Variants in PDCD6 observed in about 807,000 individuals in gnomAD.
PDCD6 encodes the protein programmed cell death protein 6.
In PDCD6, 12 loss-of-function variants were observed where a neutral mutation model predicts 28.3. That is an observed-to-expected ratio of 0.42 (90% CI 0.27 to 0.69). PDCD6 has a LOEUF of 0.69. PDCD6 is among the 30% of genes least tolerant of loss of function. PDCD6 has a pLI of 0.22. For missense variants in PDCD6, 226 were observed against 269.9 expected (o/e 0.84, Z 1.14); for synonymous variants, 92 against 108.0 (o/e 0.85, Z 0.92).
At chr5:298,409 A>G (rs929454479) in intron 2 of PDCD6, among the ~76,000 whole-genome samples, 1 of 151,988 alleles carries the variant, frequency 6.6e-6, no homozygotes. Flanking sequence ...TTACAAGGAC[A>G]TGATGGGTTC....
Position 306,629 on chromosome 5 carries a change from G to A in PDCD6, c.236G>A (p.Gly79Asp). Residue 79 changes from glycine to aspartate, a missense_variant, in exon 4 of 6, where the codon GGC becomes GAC. Gly to Asp is a moderately conservative substitution (Grantham distance 94). Around this residue, in one of 3 missense-constraint regions of PDCD6, gnomAD observed 151 missense variants for 177.2 expected, o/e 0.85. Coordinates refer to ENST00000264933, the MANE Select transcript of PDCD6 (RefSeq NM_013232.4). ...ATGTTTGACCGTGAGAACAAGGCCG[G>A]CGTGAACTTCAGCGAGTTCACGGGT... ...ISMFDRENKA[G>D]VNFSEFTGVW... 4 of 1,613,880 alleles carry A rather than the reference G, an allele frequency of 2.5e-6. No homozygotes were observed. The highest frequency in any genetic ancestry group is 3.4e-6 in the Non-Finnish European group (4 of 1,179,914).
In PDCD6 at chr5:288,767, A is replaced by G. The variant is rs547706153; in HGVS notation, c.164-15410A>G. ...AAACTAAACGTGGACTTTTTTACATAAAAGTTTTATACGGCGTTAAAACCA... is the reference window on the plus strand; with the variant it reads ...AAACTAAACGTGGACTTTTTTACATGAAAGTTTTATACGGCGTTAAAACCA... On this transcript the variant is annotated intron_variant, in intron 2 of 5. Coordinates refer to ENST00000264933, the MANE Select transcript of PDCD6 (RefSeq NM_013232.4). 8 of 754,460 alleles carry G rather than the reference A, an allele frequency of 1.1e-5. No homozygotes were observed. In the East Asian group the frequency reaches 1.8e-4, roughly 17 times the overall value. 46.7% of individuals were successfully genotyped at this position (754,460 alleles called of 1,614,324 possible).
intron 2 of PDCD6, among the ~76,000 whole-genome samples, chr5:279,802 A>G (rs1042605083): frequency 2.0e-5 from 3 of 148,640 alleles, no homozygotes; most frequent in East Asian, 1.9e-4. Context: ...AAAAAAAAAA[A>G]AAAACGAGGA....
At chr5:291,989 A>G (rs1739341508) in intron 2 of PDCD6, among the ~76,000 whole-genome samples, 1 of 152,198 alleles carries the variant, frequency 6.6e-6, no homozygotes, top group Admixed American at 6.5e-5. Context: ...ATACAAGCAT[A>G]ACAAAAATAG....
intron 2 of PDCD6, chr5:289,338 T>G (rs1309526774): frequency 1.8e-6 from 1 of 553,748 alleles, no homozygotes; most frequent in Non-Finnish European, 3.3e-6. Flanking sequence ...GTACAATTCT[T>G]TCACGAAAGC....
intron 4 of PDCD6, chr5:309,253 T>G (rs1045799063): frequency 6.5e-6 from 1 of 153,396 alleles, no homozygotes; most frequent in Non-Finnish European, 1.4e-5. Context: ...AAGGGGTGTG[T>G]CAGGGGTGGG....
Position 314,564 on chromosome 5 carries a change from C to T in PDCD6, c.*49C>T. Reference sequence around the variant, plus strand: ...CACAACATGGAAAGAGCCAAAATGTCACAGTTCCTATCTGTGAGGGAATGG... The same window carrying T: ...CACAACATGGAAAGAGCCAAAATGTTACAGTTCCTATCTGTGAGGGAATGG... On this transcript the variant is annotated 3_prime_UTR_variant, in exon 6 of 6. Transcript: ENST00000264933. The T allele has an allele frequency of 1.5e-6, 2 of 1,301,250 alleles. No individual in the cohort carries two copies. Among genetic ancestry groups the T allele is most frequent in the Non-Finnish European group, 2.2e-6 (2 of 896,590 alleles). 80.6% of individuals were successfully genotyped at this position (1,301,250 alleles called of 1,614,324 possible). A position where few individuals can be genotyped will look rare whatever the true frequency, so the allele number is the denominator to read the frequency against.
intron 2 of PDCD6, among the ~76,000 whole-genome samples, chr5:287,483 T>A (rs1449960671): frequency 6.6e-6 from 1 of 152,122 alleles, no homozygotes; most frequent in African/African-American, 2.4e-5. Context: ...AGAAAGACCC[T>A]GATTAATACC....
chr5:283,672 GT>G (rs1475395138), intron 2 of PDCD6, among the ~76,000 whole-genome samples: 6 of 152,040 alleles, frequency 3.9e-5, no homozygotes, highest in Non-Finnish European at 8.8e-5. Context: ...TAGTTTGAGG[GT>G]TGTGCAGCTG....
At chr5:306,576 T>G in intron 3 of PDCD6, 26 bp from the exon 4 acceptor site, 1 of 1,608,912 alleles carries the variant, frequency 6.2e-7, no homozygotes, top group Non-Finnish European at 8.5e-7. Flanking sequence ...GATCTTTTGC[T>G]GCTTGACCGT....
intron 2 of PDCD6, among the ~76,000 whole-genome samples, chr5:297,080 G>C (rs567628033): frequency 2.0e-5 from 3 of 152,298 alleles, no homozygotes; most frequent in Admixed American, 2.0e-4. Context: ...ACACTGTGCC[G>C]GGCAGTCGCA....
chr5:289,747 G>A (rs1739202342), intron 2 of PDCD6: 8 of 889,336 alleles, frequency 9.0e-6, no homozygotes, highest in South Asian at 5.2e-5. Context: ...GCTGTCAGGC[G>A]ACCCATTTGT....
intron 4 of PDCD6, chr5:308,181 C>T (rs759864841): frequency 1.3e-5 from 2 of 152,228 alleles, no homozygotes; most frequent in Non-Finnish European, 2.9e-5. Flanking sequence ...AGATAAGCGA[C>T]CTCTGGCGCC....
chr5:280,177 G>A (rs1208006621), intron 2 of PDCD6, among the ~76,000 whole-genome samples: 1 of 151,928 alleles, frequency 6.6e-6, no homozygotes, highest in Non-Finnish European at 1.5e-5. Context: ...GGAGCTCAGC[G>A]GGTTGAGAGG....
chr5:273,692 T>TGG (rs56171019), intron 2 of PDCD6, among the ~76,000 whole-genome samples: 5 of 151,816 alleles, frequency 3.3e-5, no homozygotes, highest in South Asian at 2.1e-4. Flanking sequence ...GCGCTGTGGG[T>TGG]GGGGGGGTGC....
rs937909731 is a variant in PDCD6 at position 307,690 on chromosome 5, C to T, written c.367+930C>T. ...CTGGCCCCTGTTGTGAAGCCGCTTC[C>T]GTGATTTGCTTAAAAGGCTCCTTAG... On this transcript the variant is annotated intron_variant, in intron 4 of 5. Transcript: ENST00000264933. The surrounding 1 kb of genome is among the most constrained non-coding windows in gnomAD (Gnocchi z 6.1). Among the ~76,000 whole-genome samples the T allele has an allele frequency of 5.9e-5, 9 of 152,140 alleles. No individual in the cohort carries two copies. Among genetic ancestry groups the T allele is most frequent in the East Asian group, 3.8e-4 (2 of 5,198 alleles).
chr5:277,796 T>A (rs1561030310), intron 2 of PDCD6, among the ~76,000 whole-genome samples: 1 of 150,526 alleles, frequency 6.6e-6, no homozygotes, highest in Non-Finnish European at 1.5e-5. Context: ...GCGCCTATAA[T>A]CCCAGCTACT....
intron 5 of PDCD6, chr5:313,606 G>A (rs74711210): frequency 0.019 from 2,955 of 152,336 alleles, 77 homozygotes; most frequent in African/African-American, 0.063. Flanking sequence ...GATCCCAGGC[G>A]AGAGTCACCA....
At chr5:299,259 C>A (rs1467146715) in intron 2 of PDCD6, among the ~76,000 whole-genome samples, 2 of 101,434 alleles carry the variant, frequency 2.0e-5, no homozygotes, top group Non-Finnish European at 4.0e-5. Context: ...AGCTGTTCCC[C>A]CCCAGCTGTT....
Sources: allele counts gnomAD v4.1 joint callset (sites outside exome capture counted in the v4.1 genomes callset), GRCh38; gene constraint gnomAD v4.1.1; regional missense constraint gnomAD v4.1.1; non-coding constraint Gnocchi (gnomAD v3.1); transcripts MANE v1.5; gene names NCBI Gene and HGNC (gene_info 2026-07-23, HGNC 2026-07-21).